The following MCTP1 variants were observed in gnomAD, a reference collection of about 807,000 sequenced individuals.
The protein encoded by MCTP1 is multiple C2 and transmembrane domain-containing protein 1.
In MCTP1, 69 loss-of-function variants were observed where a neutral mutation model predicts 120.6. The observed-to-expected ratio is 0.57, with a 90% CI of 0.47 to 0.70. The LOEUF is 0.70. MCTP1 is among the 30% of genes least tolerant of loss of function. MCTP1 has a pLI of 0.00. For synonymous variants in MCTP1, 529 were observed against 493.1 expected, an observed-to-expected ratio of 1.07 and a Z score of -0.96; for missense variants, 1,203 against 1,248.8, an observed-to-expected ratio of 0.96 and a Z score of 0.55.
intron 19 of MCTP1, among the ~76,000 whole-genome samples, chr5:94,759,253 A>G (rs1203317058): frequency 6.6e-6 from 1 of 152,234 alleles, no homozygotes; most frequent in African/African-American, 2.4e-5. Flanking sequence ...GACATCACGT[A>G]GAGTTCTGGA....
In MCTP1 at chr5:95,211,294, T is replaced by C. The variant is rs375485738; in HGVS notation, c.720+72562A>G. 5.3e-5 allele frequency among the ~76,000 whole-genome samples: 8 copies of C among 152,150 alleles called. No individual in the cohort carries two copies. In the East Asian group the frequency reaches 1.3e-3, roughly 26 times the overall value. On this transcript the variant is annotated intron_variant, in intron 1 of 22. Coordinates refer to ENST00000515393, the MANE Select transcript of MCTP1 (RefSeq NM_024717.7). ...TTTTCCAACTTGGTTCCATTCTCCC[T>C]GTCACTTTCAGGTACACCAATCAGA...
chr5:94,842,754 G>T (rs1791423168), intron 17 of MCTP1, among the ~76,000 whole-genome samples: 1 of 152,128 alleles, frequency 6.6e-6, no homozygotes, highest in South Asian at 2.1e-4. Context: ...AGTGGTTTTA[G>T]CAACCTGCTT....
intron 1 of MCTP1, among the ~76,000 whole-genome samples, chr5:95,246,915 T>C (rs1756855439): frequency 6.6e-6 from 1 of 152,220 alleles, no homozygotes; most frequent in African/African-American, 2.4e-5. Context: ...TAAAATGAGT[T>C]AGGGAGGATT....
At chr5:94,751,440 A>C (rs1215103959) in intron 19 of MCTP1, among the ~76,000 whole-genome samples, 1 of 151,642 alleles carries the variant, frequency 6.6e-6, no homozygotes, top group African/African-American at 2.4e-5. Flanking sequence ...ATGAAGAAAA[A>C]AAATTCTAAG....
At chr5:94,951,233 GT>G (rs1581524412) in intron 3 of MCTP1, among the ~76,000 whole-genome samples, 2 of 152,148 alleles carry the variant, frequency 1.3e-5, no homozygotes, top group East Asian at 1.9e-4. Context: ...GTGTACTTCA[GT>G]TTTTTGTTTA....
intron 18 of MCTP1, among the ~76,000 whole-genome samples, chr5:94,795,456 C>T (rs1779804979): frequency 6.6e-6 from 1 of 152,200 alleles, no homozygotes; most frequent in Admixed American, 6.5e-5. Context: ...TCTACTCTTC[C>T]ACTTTCAAAA....
In MCTP1 at chr5:94,799,120, C is replaced by G; in HGVS notation, c.2449G>C (p.Val817Leu). Residue 817 changes from valine to leucine, a missense_variant, in exon 18 of 23, where the codon GTT becomes CTT. Val to Leu is a conservative substitution (Grantham distance 32, BLOSUM62 1). Coordinates refer to ENST00000515393, the MANE Select transcript of MCTP1 (RefSeq NM_024717.7). ...SLAAFVLFLF[V>L]VWNFELYMIP... Reference sequence around the variant, plus strand: ...ATGTAGAGCTCAAAGTTCCAGACAACAAAGAGAAAGAGCTGGAGGAGATAG... The same window carrying G: ...ATGTAGAGCTCAAAGTTCCAGACAAGAAAGAGAAAGAGCTGGAGGAGATAG... 1 of 1,611,102 alleles carries G rather than the reference C, an allele frequency of 6.2e-7. No homozygotes were observed. The highest frequency in any genetic ancestry group is 1.3e-5 in the African/African-American group (1 of 74,808).
chr5:94,812,376 A>C (rs541291171), intron 17 of MCTP1, among the ~76,000 whole-genome samples: 1 of 149,952 alleles, frequency 6.7e-6, no homozygotes, highest in East Asian at 2.0e-4. Context: ...AATGTGAGCT[A>C]TTGGTAGATG....
chr5:94,713,739 G>C (rs1370215880), intron 20 of MCTP1, among the ~76,000 whole-genome samples: 1 of 152,138 alleles, frequency 6.6e-6, no homozygotes, highest in Non-Finnish European at 1.5e-5. Context: ...TCTGTCTAAT[G>C]TAAGAAAGTG....
intron 2 of MCTP1, among the ~76,000 whole-genome samples, chr5:94,964,207 A>G (rs1825048713): frequency 6.6e-6 from 1 of 152,096 alleles, no homozygotes; most frequent in Non-Finnish European, 1.5e-5. Context: ...GCTTCATATC[A>G]CTGTGATCAA....
At chr5:94,833,718 G>A (rs1375413026) in intron 17 of MCTP1, among the ~76,000 whole-genome samples, 1 of 152,240 alleles carries the variant, frequency 6.6e-6, no homozygotes, top group African/African-American at 2.4e-5. Flanking sequence ...TCTGTTAAAT[G>A]TATTAATATC....
At chr5:94,816,969 G>A (rs543193960) in intron 17 of MCTP1, among the ~76,000 whole-genome samples, 8 of 152,008 alleles carry the variant, frequency 5.3e-5, no homozygotes, top group Non-Finnish European at 1.0e-4. Flanking sequence ...ATTTTAGACT[G>A]TGTTAGAGAT....
chr5:94,707,987 C>CA (rs200184598), intron 22 of MCTP1, among the ~76,000 whole-genome samples: 10 of 149,188 alleles, frequency 6.7e-5, no homozygotes, highest in East Asian at 4.0e-4. Context: ...AAAAAAAAAA[C>CA]AAACTTCTTT....
intron 2 of MCTP1, among the ~76,000 whole-genome samples, chr5:95,013,527 T>C (rs1414130335): frequency 6.6e-6 from 1 of 152,108 alleles, no homozygotes; most frequent in Non-Finnish European, 1.5e-5. Flanking sequence ...CCAATGCTCA[T>C]TTACCATTTT....
intron 19 of MCTP1, among the ~76,000 whole-genome samples, chr5:94,731,384 T>G (rs926612382): frequency 2.0e-5 from 3 of 152,222 alleles, no homozygotes; most frequent in Admixed American, 2.0e-4. Context: ...GTCCTGAATT[T>G]TTTAAGTGTT....
intron 19 of MCTP1, among the ~76,000 whole-genome samples, chr5:94,759,909 A>G (rs1156960468): frequency 7.1e-6 from 1 of 140,842 alleles, no homozygotes; most frequent in African/African-American, 2.6e-5. Context: ...AAGAGAAAAA[A>G]AAAAAAAAAA....
chr5:95,261,361 G>A (rs903384678), intron 1 of MCTP1, among the ~76,000 whole-genome samples: 7 of 152,016 alleles, frequency 4.6e-5, no homozygotes, highest in African/African-American at 9.7e-5. Flanking sequence ...TGAATCTCCC[G>A]GCTACAGTGT....
chr5:94,806,926 A>G (rs1392294395), intron 17 of MCTP1, among the ~76,000 whole-genome samples: 1 of 152,146 alleles, frequency 6.6e-6, no homozygotes, highest in African/African-American at 2.4e-5. Context: ...CCTACAAAAC[A>G]ATTAATTATT....
rs528337366 is a variant in MCTP1 at position 94,842,346 on chromosome 5, T to TAC, written c.2436+25985_2436+25986dup. On this transcript the variant is annotated intron_variant, in intron 17 of 22. Coordinates refer to ENST00000515393, the MANE Select transcript of MCTP1 (RefSeq NM_024717.7). The stretch of plus-strand genomic sequence containing the variant: ...TTTATGTTTCCTTCCACATCAAAAT[T>TAC]ACACACACACATACTGGGTCTATAG... Among the ~76,000 whole-genome samples the TAC allele has an allele frequency of 1.2e-3, 179 of 152,266 alleles. 1 individual carries two copies. Among genetic ancestry groups the TAC allele is most frequent in the African/African-American group, 4.1e-3 (172 of 41,568 alleles).
Sources: allele counts gnomAD v4.1 joint callset (sites outside exome capture counted in the v4.1 genomes callset), GRCh38; gene constraint gnomAD v4.1.1; transcripts MANE v1.5; gene names NCBI Gene and HGNC (gene_info 2026-07-23, HGNC 2026-07-21).